Variants in ANKRD7 observed in about 807,000 individuals in gnomAD.
ANKRD7 encodes the protein ankyrin repeat domain 7.
ANKRD7 carries 30 observed loss-of-function variants against 30.8 expected under a neutral mutation model. The ratio of observed to expected loss-of-function variants is 0.97; its 90% confidence interval spans 0.73 to 1.32. The LOEUF (loss-of-function observed/expected upper bound fraction) is 1.32, where lower values mean the gene tolerates loss of function less well. Among genes scored for constraint, ANKRD7 ranks in the 40% most tolerant of loss-of-function variants. The pLI is 0.00. For synonymous variants in ANKRD7, 97 were observed against 106.6 expected, an observed-to-expected ratio of 0.91 and a Z score of 0.55; for missense variants, 264 against 295.7, an observed-to-expected ratio of 0.89 and a Z score of 0.79.
In ANKRD7 at chr7:118,236,037, TCAGGATGGG is replaced by T; in HGVS notation, c.469-3_474del. The stretch of plus-strand genomic sequence containing the variant: ...TTTTAATCATTTTTAAATATTTTTT[TCAGGATGGG>T]TATACTCCACTATTAGTTGCCGTTA... On this transcript the variant is annotated splice_acceptor_variant and splice_polypyrimidine_tract_variant and coding_sequence_variant and intron_variant, in exon 4 of 7. Transcript: ENST00000265224. LOFTEE classifies it high-confidence loss of function. The T allele has an allele frequency of 6.9e-7, 1 of 1,452,572 alleles. No individual in the cohort carries two copies. The highest frequency in any genetic ancestry group is 9.4e-7 in the Non-Finnish European group (1 of 1,059,650). 90.0% of individuals were successfully genotyped at this position (1,452,572 alleles called of 1,614,324 possible). A position where few individuals can be genotyped will look rare whatever the true frequency, so the allele number is the denominator to read the frequency against.
At chr7:118,240,020 G>C in intron 6 of ANKRD7, 22 bp downstream of exon 6, 1 of 1,351,256 alleles carries the variant, frequency 7.4e-7, no homozygotes, top group Non-Finnish European at 9.9e-7. Flanking sequence ...AACTGGATTA[G>C]TGTTTTTTTC....
At chr7:118,235,475 C>A (rs1057410080) in intron 3 of ANKRD7, among the ~76,000 whole-genome samples, 1 of 151,670 alleles carries the variant, frequency 6.6e-6, no homozygotes, top group Non-Finnish European at 1.5e-5. Context: ...AGCTGGTCGT[C>A]GTGGTAGGCG....
At chr7:118,225,086 G>T in intron 1 of ANKRD7, 77 bp downstream of exon 1, 3 of 1,511,060 alleles carry the variant, frequency 2.0e-6, no homozygotes, top group East Asian at 2.3e-5. Context: ...ACAAGTGGGG[G>T]CTGTTTGACA....
chr7:118,232,849 T>C (rs966323238), intron 1 of ANKRD7, among the ~76,000 whole-genome samples: 4 of 151,992 alleles, frequency 2.6e-5, no homozygotes, highest in Non-Finnish European at 4.4e-5. Flanking sequence ...GGAACTAAAT[T>C]CTCAAGATAT....
rs372014884 is a variant in ANKRD7, at chr7:118,226,042, C to T, written c.179+1033C>T. 5.3e-5 allele frequency among the ~76,000 whole-genome samples: 8 copies of T among 152,204 alleles called. No homozygotes were observed. The South Asian group carries it at 8.3e-4, about 16-fold the overall frequency. On this transcript the variant is annotated intron_variant, in intron 1 of 6. Transcript: ENST00000265224. The stretch of plus-strand genomic sequence containing the variant: ...CCCTGGGGCCTTGATGCAGCACAAT[C>T]AGCTATATGAACTCTGTTAAACCAC...
chr7:118,225,042 G>A (rs977631362), intron 1 of ANKRD7, 33 bp downstream of exon 1: 4 of 1,610,858 alleles, frequency 2.5e-6, no homozygotes, highest in Non-Finnish European at 3.4e-6. Context: ...GCGGGAGGAC[G>A]GGTTGGGGCC....
At chr7:118,239,857 T>C (rs1482011644) in intron 5 of ANKRD7, 52 bp from the exon 6 acceptor site, 2 of 1,256,188 alleles carry the variant, frequency 1.6e-6, no homozygotes, top group Non-Finnish European at 2.3e-6. Flanking sequence ...ACTTATATGT[T>C]AGGAATTAAA....
chr7:118,230,226 A>T (rs1182353649), intron 1 of ANKRD7, among the ~76,000 whole-genome samples: 1 of 152,070 alleles, frequency 6.6e-6, no homozygotes, highest in Non-Finnish European at 1.5e-5. Flanking sequence ...GACAAAGAGG[A>T]TATGAAATTA....
intron 1 of ANKRD7, 34 bp from the exon 2 acceptor site, chr7:118,234,397 A>G (rs937326368): frequency 5.6e-6 from 8 of 1,439,044 alleles, no homozygotes; most frequent in Non-Finnish European, 7.6e-6. Context: ...ACGAAGACTT[A>G]TCTCTAACTT....
chr7:118,229,010 A>C (rs1009836510), intron 1 of ANKRD7, among the ~76,000 whole-genome samples: 1 of 152,108 alleles, frequency 6.6e-6, no homozygotes, highest in Admixed American at 6.6e-5. Flanking sequence ...AGTGTCTCAT[A>C]CCACCCTATA....
intron 1 of ANKRD7, among the ~76,000 whole-genome samples, chr7:118,226,585 T>A (rs1028817801): frequency 6.6e-6 from 1 of 152,188 alleles, no homozygotes; most frequent in African/African-American, 2.4e-5. Flanking sequence ...ACTGTTAAGT[T>A]GAAGTGGATC....
intron 1 of ANKRD7, 102 bp from the exon 2 acceptor site, chr7:118,234,329 A>G: frequency 1.7e-6 from 1 of 602,872 alleles, no homozygotes; most frequent in Non-Finnish European, 2.9e-6. Context: ...TGCATGAAGC[A>G]AGTACCTTAC....
intron 1 of ANKRD7, among the ~76,000 whole-genome samples, chr7:118,233,903 A>G (rs921847271): frequency 1.3e-5 from 2 of 152,108 alleles, no homozygotes; most frequent in Non-Finnish European, 2.9e-5. Context: ...AGTAGAAATT[A>G]GTGTAATAAC....
chr7:118,238,600 G>A (rs1344622236), intron 5 of ANKRD7, among the ~76,000 whole-genome samples: 29 of 152,128 alleles, frequency 1.9e-4, no homozygotes, highest in Non-Finnish European at 1.5e-5. Context: ...TAAAGTGGAA[G>A]CATAGACAAT....
chr7:118,236,903 T>C lies in ANKRD7; in HGVS notation c.689T>C (p.Met230Thr), dbSNP rs377637661. Residue 230 changes from methionine (M) to threonine (T), a missense_variant, in exon 5 of 7, where the codon ATG becomes ACG. Met to Thr is a moderately conservative substitution (Grantham distance 81, BLOSUM62 -1). Coordinates refer to ENST00000265224, the MANE Select transcript of ANKRD7 (RefSeq NM_019644.4). The stretch of plus-strand genomic sequence containing the variant: ...ATTGTGGATTCACAGCTGAGGAATA[T>C]GTTTATTTCCATGGTTTTACTGCGT... ...EGIVDSQLRN[M>T]FISMVLLHRY... The C allele has an allele frequency of 4.3e-6, 7 of 1,613,994 alleles. No individual in the cohort carries two copies. Among genetic ancestry groups the C allele is most frequent in the Non-Finnish European group, 5.9e-6 (7 of 1,179,886 alleles).
intron 6 of ANKRD7, among the ~76,000 whole-genome samples, chr7:118,240,476 T>C (rs1262353405): frequency 6.6e-6 from 1 of 152,202 alleles, no homozygotes; most frequent in Non-Finnish European, 1.5e-5. Context: ...TCCATCTCCC[T>C]ACAAAGGACA....
chr7:118,231,512 A>G (rs74881395), intron 1 of ANKRD7, among the ~76,000 whole-genome samples: 197 of 152,162 alleles, frequency 1.3e-3, no homozygotes, highest in African/African-American at 4.6e-3. Context: ...TTCCTTGGTT[A>G]CTTCTCCTTC....
At chr7:118,239,742 A>G (rs1004590351) in intron 5 of ANKRD7, 167 bp from the exon 6 acceptor site, 13 of 375,588 alleles carry the variant, frequency 3.5e-5, no homozygotes, top group Admixed American at 2.2e-4. Context: ...AGTACATGAA[A>G]TAAAAGTGGT....
intron 1 of ANKRD7, among the ~76,000 whole-genome samples, chr7:118,230,806 A>G (rs757500763): frequency 3.3e-5 from 5 of 152,034 alleles, no homozygotes; most frequent in Non-Finnish European, 2.9e-5. Context: ...TTGAATTTTT[A>G]ATAAGGTAAA....
Sources: gnomAD v4.1 joint callset for allele counts (sites outside exome capture counted in the v4.1 genomes callset) on GRCh38, gnomAD v4.1.1 for gene constraint, MANE v1.5 for transcripts, NCBI Gene and HGNC (gene_info 2026-07-23, HGNC 2026-07-21) for gene names.